The following LZTR1 variants were observed in gnomAD, a reference collection of about 807,000 sequenced individuals.
The protein encoded by LZTR1 is leucine zipper like post translational regulator 1, also known as leucine-zipper-like transcriptional regulator 1.
LZTR1 carries 260 observed loss-of-function variants against 105.7 expected under a neutral mutation model. That is an observed-to-expected ratio of 2.46 (90% CI 2.22 to 2.72). The LOEUF (loss-of-function observed/expected upper bound fraction) is 2.72, where lower values mean the gene tolerates loss of function less well. LZTR1 is among the 30% of genes most tolerant of loss of function. The probability of loss-of-function intolerance (pLI) is 0.00; values close to 1 mark genes in which losing one functional copy is unlikely to be tolerated. For synonymous variants in LZTR1, 490 were observed against 476.4 expected, an observed-to-expected ratio of 1.03 and a Z score of -0.37; for missense variants, 1,214 against 1,166.9, an observed-to-expected ratio of 1.04 and a Z score of -0.59.
intron 2 of LZTR1, among the ~76,000 whole-genome samples, chr22:20,985,613 A>G (rs1283249061): frequency 6.6e-6 from 1 of 151,770 alleles, no homozygotes; most frequent in East Asian, 1.9e-4. Flanking sequence ...TCCTGACCCC[A>G]GGCAGGCTGG....
rs555605089 is a variant in LZTR1 at position 20,987,364 on chromosome 22, G to C, written c.321-140G>C. ...GGATCGTGCCACTGCACTCCAGCCG[G>C]GACGACAGAGAGAGACTCCGTCTCA... On this transcript the variant is annotated intron_variant, in intron 3 of 20. Transcript: ENST00000646124. 2.5e-4 allele frequency: 151 copies of C among 598,954 alleles called. 1 individual carries two copies. Among genetic ancestry groups the C allele is most frequent in the African/African-American group, 2.0e-3 (105 of 53,202 alleles). The allele number at this position is 598,954 out of a possible 1,614,324, so 37.1% of individuals were successfully genotyped here. A position where few individuals can be genotyped will look rare whatever the true frequency, so the allele number is the denominator to read the frequency against.
Position 20,995,775 on chromosome 22 carries a change from T to G in LZTR1, c.1972T>G (p.Tyr658Asp), listed in dbSNP as rs1485171907. 4 of 1,613,592 alleles carry G rather than the reference T, an allele frequency of 2.5e-6. No homozygotes were observed. The highest frequency in any genetic ancestry group is 3.4e-6 in the Non-Finnish European group (4 of 1,179,978). ...ATCTCTGATCCAGGACATGAAGGCA[T>G]ACCTGGAGGGAGCGGGCGCGGAATT... is the stretch of plus-strand genomic sequence containing the variant. Reference protein sequence around the residue: ...GTSLIQDMKAYLEGAGAEFCD... With the variant: ...GTSLIQDMKADLEGAGAEFCD... Residue 658 changes from tyrosine (Y) to aspartate (D), a missense_variant, in exon 17 of 21, where the codon TAC becomes GAC. Transcript: ENST00000646124.
Position 20,996,795 on chromosome 22 carries a change from G to A in LZTR1, c.2319G>A (p.Val773=), listed in dbSNP as rs780107223. Residue 773 remains valine, a synonymous_variant, in exon 19 of 21, where the codon GTG becomes GTA. Coordinates refer to ENST00000646124, the MANE Select transcript of LZTR1 (RefSeq NM_006767.4). ...AGATGAACGTGACGGTGCAGAACGT[G>A]CTGCAGGTAGCCCCCCAGCCCCGTG... is the stretch of plus-strand genomic sequence containing the variant. The part of the protein sequence containing the change: ...NLEMNVTVQN[V]LQILEAADKT... 2 of 1,613,620 alleles carry A rather than the reference G, an allele frequency of 1.2e-6. No homozygotes were observed. The highest frequency in any genetic ancestry group is 1.7e-5 in the Admixed American group (1 of 60,022).
At chr22:20,996,856 G>C in intron 19 of LZTR1, 30 bp from the exon 20 acceptor site, 1 of 1,612,510 alleles carries the variant, frequency 6.2e-7, no homozygotes, top group Non-Finnish European at 8.5e-7. Flanking sequence ...GGGTGAAAGG[G>C]GCAGCGCCTC....
chr22:20,994,719 C>T lies in LZTR1; in HGVS notation c.1777C>T (p.Gln593Ter), dbSNP rs1924761523. 1 of 1,611,520 alleles carries T rather than the reference C, an allele frequency of 6.2e-7. No individual in the cohort carries two copies. The highest frequency in any genetic ancestry group is 8.5e-7 in the Non-Finnish European group (1 of 1,179,900). The change falls in exon 15 of 21, where the codon CAA becomes TAA. Residue 593 changes from glutamine (Q) to a stop codon, truncating the protein, a stop_gained. Transcript: ENST00000646124. LOFTEE classifies it high-confidence loss of function. ...CESAARLQLS[Q>*]LKEHCLNFVV... ...GAGTGCCGCCCGGCTGCAGCTGAGC[C>T]AACTCAAGGTGTGGGGTGGGGTCAG...
chr22:20,992,407 C>A (rs1569156329), intron 10 of LZTR1, 38 bp downstream of exon 10: 1 of 1,586,518 alleles, frequency 6.3e-7, no homozygotes, highest in South Asian at 1.1e-5. Context: ...CCATCACCCC[C>A]TGAAACAGGT....
At chr22:20,991,500 C>T in intron 8 of LZTR1, 128 bp from the exon 9 acceptor site, 1 of 741,002 alleles carries the variant, frequency 1.3e-6, no homozygotes, top group Non-Finnish European at 2.2e-6. Context: ...TAGGCCCTCC[C>T]TCTGGACCCT....
chr22:20,992,485 CACAA>C, intron 10 of LZTR1, 116 bp downstream of exon 10: 1 of 1,217,722 alleles, frequency 8.2e-7, no homozygotes, highest in Non-Finnish European at 1.1e-6. Context: ...GGGGTCACAC[CACAA>C]AGGGGGTACA....
At chr22:20,992,124 C>G in intron 9 of LZTR1, 90 bp from the exon 10 acceptor site, 2 of 1,317,168 alleles carry the variant, frequency 1.5e-6, no homozygotes, top group South Asian at 1.3e-5. Flanking sequence ...TCTTTCAGAA[C>G]CCACTCTCAA....
intron 1 of LZTR1, 89 bp downstream of exon 1, chr22:20,982,660 G>A (rs1924239836): frequency 6.9e-6 from 9 of 1,309,550 alleles, no homozygotes; most frequent in Middle Eastern, 2.0e-4. Flanking sequence ...GGGGGGTGGT[G>A]TCCTGGGGTA....
At chr22:20,991,472 G>A (rs1924601772) in intron 8 of LZTR1, 156 bp from the exon 9 acceptor site, 3 of 627,442 alleles carry the variant, frequency 4.8e-6, no homozygotes, top group Non-Finnish European at 8.3e-6. Context: ...GGGGTGAGAG[G>A]TGCTCAGCGC....
At chr22:20,995,363 C>T (rs1316861552) in intron 16 of LZTR1, 7 of 616,230 alleles carry the variant, frequency 1.1e-5, no homozygotes, top group Non-Finnish European at 2.2e-5. Flanking sequence ...CTTGTAATGT[C>T]ACAGGCCCCT....
chr22:20,989,077 G>A (rs560412005), intron 6 of LZTR1, among the ~76,000 whole-genome samples: 97 of 152,320 alleles, frequency 6.4e-4, no homozygotes, highest in African/African-American at 2.0e-3. Flanking sequence ...GTGGAGCCCC[G>A]TGGCTACCAG....
chr22:20,990,099 A>G (rs1462268032), intron 7 of LZTR1, among the ~76,000 whole-genome samples: 1 of 152,050 alleles, frequency 6.6e-6, no homozygotes, highest in Admixed American at 6.5e-5. Flanking sequence ...CATGGAATTT[A>G]TTTATTTATT....
At chr22:20,996,203 G>A in intron 18 of LZTR1, 91 bp downstream of exon 18, 1 of 1,428,562 alleles carries the variant, frequency 7.0e-7, no homozygotes, top group South Asian at 1.2e-5. Flanking sequence ...TCCTGCCCCA[G>A]CTAGGTGATC....
Position 20,997,506 on chromosome 22 carries a change from G to T in LZTR1, c.*158G>T, listed in dbSNP as rs1924913411. 1 of 620,382 alleles carries T rather than the reference G, an allele frequency of 1.6e-6. No individual in the cohort carries two copies. The highest frequency in any genetic ancestry group is 2.8e-5 in the East Asian group (1 of 36,266). 38.4% of individuals were successfully genotyped at this position (620,382 alleles called of 1,614,324 possible). A position where few individuals can be genotyped will look rare whatever the true frequency, so the allele number is the denominator to read the frequency against. On this transcript the variant is annotated 3_prime_UTR_variant, in exon 21 of 21. Coordinates refer to ENST00000646124, the MANE Select transcript of LZTR1 (RefSeq NM_006767.4). ...CTCCAAAGAGAGCTGAGGGGATGTG[G>T]GGCCCCAAACTCATTAATTCACTGA...
Position 20,990,603 on chromosome 22 carries a change from G to T in LZTR1, c.791+78G>T, listed in dbSNP as rs1004354457. On this transcript the variant is annotated intron_variant, in intron 8 of 20. Coordinates refer to ENST00000646124, the MANE Select transcript of LZTR1 (RefSeq NM_006767.4). ...CTTCTGAATATGAAGAACGCCTCTT[G>T]CACCTGGTGGCCATGGTAACCATCC... 1.5e-5 allele frequency: 21 copies of T among 1,434,256 alleles called. No individual in the cohort carries two copies. The African/African-American group carries it at 2.4e-4, about 16-fold the overall frequency. The allele number at this position is 1,434,256 out of a possible 1,614,324, so 88.8% of individuals were successfully genotyped here.
chr22:20,989,497 C>G (rs1924517865), intron 6 of LZTR1, 128 bp from the exon 7 acceptor site: 5 of 802,624 alleles, frequency 6.2e-6, no homozygotes, highest in Non-Finnish European at 1.1e-5. Flanking sequence ...GTTCCCGCCT[C>G]ATGGCCGCAC....
rs777515978 is a variant in LZTR1 at position 20,996,939 on chromosome 22, G to A, written c.2379G>A (p.Leu793=). 6 of 1,613,648 alleles carry A rather than the reference G, an allele frequency of 3.7e-6. No individual in the cohort carries two copies. The highest frequency in any genetic ancestry group is 5.1e-6 in the Non-Finnish European group (6 of 1,179,950). The change falls in exon 20 of 21, where the codon CTG becomes CTA. Residue 793 remains leucine, a synonymous_variant. Coordinates refer to ENST00000646124, the MANE Select transcript of LZTR1 (RefSeq NM_006767.4). ...CACTGGACATGAAGCGGCACTGCCT[G>A]CACATCATTGTGCACCAGTTCACCA... ...TQALDMKRHC[L]HIIVHQFTKV...
Sources: allele counts gnomAD v4.1 joint callset (sites outside exome capture counted in the v4.1 genomes callset), GRCh38; gene constraint gnomAD v4.1.1; transcripts MANE v1.5; gene names NCBI Gene and HGNC (gene_info 2026-07-23, HGNC 2026-07-21).